EDC3: variants seen among roughly 807,000 people sequenced by gnomAD.
The protein encoded by EDC3 is enhancer of mRNA-decapping protein 3.
In EDC3, 20 loss-of-function variants were observed where a neutral mutation model predicts 41.8. The ratio of observed to expected loss-of-function variants is 0.48; its 90% CI spans 0.34 to 0.70. The LOEUF (loss-of-function observed/expected upper bound fraction) is 0.70. Among genes scored for constraint, EDC3 ranks in the 30% least tolerant of loss-of-function variants. EDC3 has a pLI of 0.01. For synonymous variants in EDC3, 206 were observed against 243.2 expected, an observed-to-expected ratio of 0.85 and a Z score of 1.42; for missense variants, 444 against 636.8, an observed-to-expected ratio of 0.70 and a Z score of 3.26.
intron 3 of EDC3, among the ~76,000 whole-genome samples, chr15:74,657,361 G>A (rs531467585): frequency 6.6e-6 from 1 of 152,352 alleles, no homozygotes; most frequent in East Asian, 1.9e-4. Flanking sequence ...TCCCACAATG[G>A]GTAGAACACA....
At chr15:74,672,980 C>T (rs1190948521) in intron 2 of EDC3, among the ~76,000 whole-genome samples, 2 of 151,936 alleles carry the variant, frequency 1.3e-5, no homozygotes, top group East Asian at 3.9e-4. Flanking sequence ...AAGCAAAGAA[C>T]AGCAGGGAGA....
At chr15:74,667,400 T>A (rs2062687222) in intron 3 of EDC3, among the ~76,000 whole-genome samples, 3 of 138,038 alleles carry the variant, frequency 2.2e-5, no homozygotes, top group Non-Finnish European at 4.6e-5. Context: ...CCAGGAGCAA[T>A]GAGCATCCCT....
intron 3 of EDC3, among the ~76,000 whole-genome samples, chr15:74,668,675 G>A (rs895101729): frequency 4.1e-5 from 6 of 147,162 alleles, no homozygotes; most frequent in African/African-American, 7.6e-5. Context: ...AGCTGTGATC[G>A]TATCACTGCA....
chr15:74,669,092 C>T (rs1212021655), intron 3 of EDC3, among the ~76,000 whole-genome samples: 6 of 151,968 alleles, frequency 3.9e-5, no homozygotes, highest in Admixed American at 2.0e-4. Flanking sequence ...AAAAATTAGC[C>T]GGGCGCAGTG....
intron 4 of EDC3, among the ~76,000 whole-genome samples, chr15:74,647,542 G>A (rs2062431788): frequency 2.0e-5 from 3 of 152,156 alleles, no homozygotes; most frequent in Admixed American, 6.5e-5. Context: ...TACTGGGGTA[G>A]GAGTCCAGCC....
chr15:74,692,789 T>C (rs1013632407), intron 1 of EDC3: 12 of 152,246 alleles, frequency 7.9e-5, no homozygotes, highest in African/African-American at 2.2e-4. Flanking sequence ...CAACATCAAA[T>C]TGATATTGTA....
chr15:74,659,520 A>ATATATATATAT (rs2062596736), intron 3 of EDC3, among the ~76,000 whole-genome samples: 1 of 149,552 alleles, frequency 6.7e-6, no homozygotes, highest in African/African-American at 2.4e-5. Context: ...ATAGGCAAAT[A>ATATATATATAT]ATGAAAATAT....
intron 5 of EDC3, chr15:74,639,497 G>A (rs2062319812): frequency 6.6e-6 from 1 of 152,210 alleles, no homozygotes; most frequent in Admixed American, 6.5e-5. Context: ...CAGATTACCT[G>A]AGGCCAAGAG....
chr15:74,661,696 A>C (rs1345966192), intron 3 of EDC3, among the ~76,000 whole-genome samples: 1 of 146,710 alleles, frequency 6.8e-6, no homozygotes, highest in Admixed American at 7.1e-5. Context: ...GCGCCACTGC[A>C]CTCCAGCCTG....
chr15:74,659,109 A>T (rs1040253375), intron 3 of EDC3, among the ~76,000 whole-genome samples: 2 of 152,196 alleles, frequency 1.3e-5, no homozygotes, highest in Admixed American at 1.3e-4. Context: ...GAGCACACTT[A>T]TGCCATAGCT....
At chr15:74,677,542 G>T (rs1216779392) in intron 1 of EDC3, among the ~76,000 whole-genome samples, 3 of 150,688 alleles carry the variant, frequency 2.0e-5, no homozygotes, top group Admixed American at 6.6e-5. Context: ...TTTTGTTGTT[G>T]TTTTTTTTCT....
At chr15:74,640,277 A>G (rs2062333355) in intron 5 of EDC3, 189 bp downstream of exon 5, 2 of 613,564 alleles carry the variant, frequency 3.3e-6, no homozygotes, top group Non-Finnish European at 5.6e-6. Flanking sequence ...GAGGACATCT[A>G]GGAGATGGGT....
chr15:74,644,720 ACCAGCC>A (rs2062393617), intron 4 of EDC3: 1 of 151,976 alleles, frequency 6.6e-6, no homozygotes, highest in African/African-American at 2.4e-5. Context: ...TTACAACTAG[ACCAGCC>A]CCATGTCCAC....
chr15:74,673,732 C>T (rs1005572323), intron 2 of EDC3, among the ~76,000 whole-genome samples: 4 of 150,792 alleles, frequency 2.7e-5, no homozygotes, highest in African/African-American at 7.3e-5. Context: ...CCCAGCTACT[C>T]GGGAGGCTGA....
intron 6 of EDC3, 33 bp downstream of exon 6, chr15:74,635,376 A>C (rs1358449853): frequency 6.3e-7 from 1 of 1,598,248 alleles, no homozygotes; most frequent in Non-Finnish European, 8.6e-7. Flanking sequence ...AGGAGGGAGG[A>C]GGCCTTCAGC....
At chr15:74,681,140 G>C (rs975319387) in intron 1 of EDC3, among the ~76,000 whole-genome samples, 1 of 152,138 alleles carries the variant, frequency 6.6e-6, no homozygotes, top group East Asian at 1.9e-4. Flanking sequence ...GAAAGGCAAA[G>C]AAACTAAAAT....
intron 1 of EDC3, among the ~76,000 whole-genome samples, chr15:74,680,831 A>C (rs1304368240): frequency 6.6e-6 from 1 of 152,222 alleles, no homozygotes; most frequent in Non-Finnish European, 1.5e-5. Flanking sequence ...TCAGTATATT[A>C]GCAATGAACA....
intron 6 of EDC3, 133 bp downstream of exon 6, chr15:74,635,276 G>A (rs771143134): frequency 5.0e-6 from 4 of 801,482 alleles, no homozygotes; most frequent in African/African-American, 1.7e-5. Flanking sequence ...ACTGTTCTAA[G>A]ACTCCTTAGA....
In EDC3 at chr15:74,695,969, C is replaced by T. The variant is rs1292772426; in HGVS notation, c.-108G>A. On this transcript the variant is annotated 5_prime_UTR_variant, in exon 1 of 7. Coordinates refer to ENST00000315127, the MANE Select transcript of EDC3 (RefSeq NM_025083.5). ...GACCCACAGAAGAATTCTCTCCACG[C>T]CCACCCCCACAGCATCGGCCTTCAC... 3 of 152,652 alleles carry T rather than the reference C, an allele frequency of 2.0e-5. No individual in the cohort carries two copies. Among genetic ancestry groups the T allele is most frequent in the Non-Finnish European group, 4.4e-5 (3 of 68,370 alleles). 9.5% of individuals were successfully genotyped at this position (152,652 alleles called of 1,614,324 possible).
Sources: allele counts gnomAD v4.1 joint callset (sites outside exome capture counted in the v4.1 genomes callset), GRCh38; gene constraint gnomAD v4.1.1; transcripts MANE v1.5; gene names NCBI Gene and HGNC (gene_info 2026-07-23, HGNC 2026-07-21).